The following KLF8 variants were observed in gnomAD, a reference collection of about 807,000 sequenced individuals.
KLF8 encodes the protein Krueppel-like factor 8.
KLF8 carries 10 observed loss-of-function variants against 18.2 expected under a neutral mutation model. The observed-to-expected ratio is 0.55, with a 90% CI of 0.34 to 0.93. The LOEUF is 0.93. Ranked by LOEUF, KLF8 falls within the 40% of genes least tolerant of loss-of-function variation. The pLI, the probability that KLF8 is intolerant of heterozygous loss-of-function variation, is 0.02. For missense variants in KLF8, 264 were observed against 277.9 expected (o/e 0.95, Z 0.36); for synonymous variants, 109 against 97.3 (o/e 1.12, Z -0.71).
the KLF8 span, among the ~76,000 whole-genome samples, chrX:56,165,819 C>T: frequency 1.6e-4 from 17 of 108,656 alleles, no homozygotes; most frequent in Non-Finnish European, 3.2e-4. Context: ...TATGATTGCA[C>T]CACTGAACTC....
intron 3 of KLF8, chrX:56,268,892 C>CTT (rs1384414649): frequency 2.1e-6 from 2 of 937,252 alleles, no homozygotes; most frequent in African/African-American, 4.1e-5. Flanking sequence ...CGTTTCATCT[C>CTT]ATTGACTTAT....
chrX:56,042,178 T>C, the KLF8 span, among the ~76,000 whole-genome samples: 1 of 112,174 alleles, frequency 8.9e-6, no homozygotes, highest in African/African-American at 3.2e-5. Flanking sequence ...TCCATGTACT[T>C]GTATGGTTTT....
At chrX:56,034,652 C>T in the KLF8 span, among the ~76,000 whole-genome samples, 3 of 108,435 alleles carry the variant, frequency 2.8e-5, no homozygotes, top group African/African-American at 1.0e-4. Context: ...GAGTTGAGAA[C>T]ATTCAATATC....
the KLF8 span, among the ~76,000 whole-genome samples, chrX:56,025,979 G>A: frequency 8.9e-6 from 1 of 112,564 alleles, no homozygotes; most frequent in South Asian, 3.6e-4. Context: ...CATGTCACAA[G>A]GAAAATAAGT....
At chrX:56,073,624 T>G in the KLF8 span, among the ~76,000 whole-genome samples, 1 of 111,974 alleles carries the variant, frequency 8.9e-6, no homozygotes, top group Non-Finnish European at 1.9e-5. Flanking sequence ...AGACAAGGGC[T>G]CCAATTTATC....
At chrX:56,158,998 A>T in the KLF8 span, among the ~76,000 whole-genome samples, 2 of 111,752 alleles carry the variant, frequency 1.8e-5, no homozygotes, top group African/African-American at 6.5e-5. Flanking sequence ...GTTTTTGCCC[A>T]TTCAGTATGA....
At chrX:55,913,262 C>G in the KLF8 span, among the ~76,000 whole-genome samples, 1 of 111,505 alleles carries the variant, frequency 9.0e-6, no homozygotes, top group South Asian at 3.8e-4. Context: ...CTTTATTGTT[C>G]TCTCTGCCTC....
chrX:55,979,808 A>G, the KLF8 span, among the ~76,000 whole-genome samples: 1 of 111,880 alleles, frequency 8.9e-6, no homozygotes, highest in African/African-American at 3.2e-5. Flanking sequence ...GGATTTGATG[A>G]CAAACTGGAT....
the KLF8 span, among the ~76,000 whole-genome samples, chrX:55,947,136 A>G: frequency 8.1e-5 from 9 of 111,125 alleles, no homozygotes; most frequent in South Asian, 3.9e-4. Context: ...CCCATTACTG[A>G]GTATATACCC....
chrX:56,216,551 T>C, the KLF8 span, among the ~76,000 whole-genome samples: 3 of 107,567 alleles, frequency 2.8e-5, no homozygotes, highest in South Asian at 1.2e-3. Context: ...TATTTATTTA[T>C]TTATTTTAGC....
At chrX:55,915,654 G>A in the KLF8 span, among the ~76,000 whole-genome samples, 1 of 111,950 alleles carries the variant, frequency 8.9e-6, no homozygotes, top group African/African-American at 3.2e-5. Context: ...CATAAAATAA[G>A]CTCACAGTTT....
the KLF8 span, among the ~76,000 whole-genome samples, chrX:56,176,900 A>G: frequency 8.9e-6 from 1 of 112,016 alleles, no homozygotes; most frequent in Non-Finnish European, 1.9e-5. Flanking sequence ...CGAATCAGCT[A>G]CCGAGGCTTG....
At chrX:55,990,770 G>T in the KLF8 span, among the ~76,000 whole-genome samples, 1 of 112,370 alleles carries the variant, frequency 8.9e-6, no homozygotes, top group African/African-American at 3.2e-5. Flanking sequence ...GTCCACTCCA[G>T]ACCCTCTTTG....
At chrX:56,005,738 C>T in the KLF8 span, among the ~76,000 whole-genome samples, 1 of 111,663 alleles carries the variant, frequency 9.0e-6, no homozygotes, top group Non-Finnish European at 1.9e-5. Flanking sequence ...TCTGCATGTG[C>T]ACACACTGGC....
the KLF8 span, among the ~76,000 whole-genome samples, chrX:56,125,622 C>G: frequency 1.8e-5 from 2 of 112,247 alleles, no homozygotes; most frequent in Non-Finnish European, 3.8e-5. Context: ...TGCATCACTG[C>G]CAGTAGTTAG....
chrX:55,920,142 G>A, the KLF8 span, among the ~76,000 whole-genome samples: 1 of 111,731 alleles, frequency 9.0e-6, no homozygotes, highest in Non-Finnish European at 1.9e-5. Flanking sequence ...GCTCCCCCGG[G>A]TGGCTAGACC....
chrX:56,104,523 C>G, the KLF8 span, among the ~76,000 whole-genome samples: 2 of 111,810 alleles, frequency 1.8e-5, no homozygotes, highest in Non-Finnish European at 3.8e-5. Context: ...ATAGTATTCT[C>G]TGATGGTACT....
the KLF8 span, among the ~76,000 whole-genome samples, chrX:56,081,103 C>G: frequency 5.4e-4 from 60 of 111,480 alleles, no homozygotes; most frequent in African/African-American, 1.9e-3. Flanking sequence ...AATGTCCTCC[C>G]TTAGCTCAGA....
the KLF8 span, among the ~76,000 whole-genome samples, chrX:56,092,137 T>C: frequency 9.0e-6 from 1 of 111,195 alleles, no homozygotes; most frequent in Admixed American, 9.6e-5. Flanking sequence ...AAAATGTCTT[T>C]TCTTGTCCTT....
Sources: allele counts gnomAD v4.1 joint callset (sites outside exome capture counted in the v4.1 genomes callset), GRCh38; gene constraint gnomAD v4.1.1; transcripts MANE v1.5; gene names NCBI Gene and HGNC (gene_info 2026-07-23, HGNC 2026-07-21).